The following DMD variants were observed in gnomAD, a reference collection of about 807,000 sequenced individuals.
DMD encodes the protein dystrophin, also known as mutant dystrophin.
DMD carries 63 observed loss-of-function variants against 330.1 expected under a neutral mutation model. The observed-to-expected ratio is 0.19, with a 90% CI of 0.16 to 0.24. DMD has a LOEUF of 0.24. Ranked by LOEUF, DMD falls within the 10% of genes least tolerant of loss-of-function variation. The pLI is 1.00. For missense variants in DMD, 3,344 were observed against 2,684.1 expected (o/e 1.25, Z -5.43); for synonymous variants, 1,223 against 959.8 (o/e 1.27, Z -5.07).
chrX:31,184,419 A>G (rs968360776), intron 67 of DMD, among the ~76,000 whole-genome samples: 5 of 105,292 alleles, frequency 4.7e-5, no homozygotes, highest in Non-Finnish European at 9.7e-5. Context: ...ATGAGATACC[A>G]TCTCACACCA....
chrX:32,727,900 A>G (rs2067077859), intron 7 of DMD, among the ~76,000 whole-genome samples: 1 of 111,835 alleles, frequency 8.9e-6, no homozygotes, highest in East Asian at 2.8e-4. Context: ...TTTTTAATTT[A>G]ACTTTTTTTG....
At chrX:32,651,961 A>C (rs1215080090) in intron 9 of DMD, among the ~76,000 whole-genome samples, 1 of 111,663 alleles carries the variant, frequency 9.0e-6, no homozygotes, top group African/African-American at 3.3e-5. Flanking sequence ...GTTAAATGTC[A>C]GCAAATTTAA....
chrX:33,241,568 T>A (rs1264447193), intron 1 of DMD, among the ~76,000 whole-genome samples: 1 of 112,129 alleles, frequency 8.9e-6, no homozygotes, highest in Non-Finnish European at 1.9e-5. Context: ...GTAAAAAATG[T>A]CACTGGTGTT....
At chrX:32,622,313 C>G (rs1261954827) in intron 11 of DMD, among the ~76,000 whole-genome samples, 2 of 111,177 alleles carry the variant, frequency 1.8e-5, no homozygotes, top group African/African-American at 3.3e-5. Context: ...TACTAATAAG[C>G]ACGAAAACAA....
chrX:33,087,971 C>A (rs1050411936), intron 1 of DMD, among the ~76,000 whole-genome samples: 8 of 111,409 alleles, frequency 7.2e-5, no homozygotes, highest in Admixed American at 3.8e-4. Context: ...TTAGCTCCCC[C>A]AAACTGAATG....
At chrX:31,502,361 T>G (rs1222843337) in intron 56 of DMD, among the ~76,000 whole-genome samples, 2 of 110,777 alleles carry the variant, frequency 1.8e-5, no homozygotes, top group Non-Finnish European at 3.8e-5. Context: ...CCAAACATAA[T>G]TAACATTCTA....
chrX:32,382,222 G>C (rs900377649), intron 33 of DMD, among the ~76,000 whole-genome samples: 1 of 111,641 alleles, frequency 9.0e-6, no homozygotes, highest in African/African-American at 3.2e-5. Context: ...TAAGAAATCT[G>C]AAAGGTAGAC....
intron 50 of DMD, among the ~76,000 whole-genome samples, chrX:31,779,356 A>G (rs894359026): frequency 1.8e-5 from 2 of 111,284 alleles, no homozygotes; most frequent in Admixed American, 1.9e-4. Flanking sequence ...AAGTCTGTTC[A>G]TGCCTGGGCA....
intron 51 of DMD, among the ~76,000 whole-genome samples, chrX:31,762,501 A>G (rs2089680265): frequency 1.8e-5 from 2 of 111,819 alleles, no homozygotes; most frequent in Admixed American, 9.5e-5. Flanking sequence ...CCAGGGAGTC[A>G]GAGGTTGCAG....
chrX:33,303,893 A>C (rs926886556), intron 1 of DMD, among the ~76,000 whole-genome samples: 1 of 111,379 alleles, frequency 9.0e-6, no homozygotes, highest in African/African-American at 3.3e-5. Context: ...TAATACACTT[A>C]ATTTTTTAAA....
intron 17 of DMD, among the ~76,000 whole-genome samples, chrX:32,527,601 C>T (rs1025478862): frequency 2.7e-5 from 3 of 109,794 alleles, no homozygotes; most frequent in Admixed American, 2.0e-4. Context: ...AAAAAAAAAT[C>T]GAGTAATAGA....
intron 11 of DMD, among the ~76,000 whole-genome samples, chrX:32,639,829 A>T (rs1178781964): frequency 2.7e-5 from 3 of 111,369 alleles, no homozygotes; most frequent in African/African-American, 9.8e-5. Context: ...ATCCCCATAC[A>T]AAATAACCAC....
At chrX:31,761,361 T>C (rs970951043) in intron 51 of DMD, among the ~76,000 whole-genome samples, 18 of 110,588 alleles carry the variant, frequency 1.6e-4, no homozygotes, top group Non-Finnish European at 3.0e-4. Flanking sequence ...CATGTAAATA[T>C]TGGGGTTTGT....
At chrX:31,313,738 T>A (rs1014803596) in intron 62 of DMD, among the ~76,000 whole-genome samples, 1 of 110,182 alleles carries the variant, frequency 9.1e-6, no homozygotes, top group Non-Finnish European at 1.9e-5. Context: ...ATTTTAAGTA[T>A]CAATTCTCCC....
At chrX:31,663,700 CTT>C (rs767914995) in intron 53 of DMD, among the ~76,000 whole-genome samples, 25 of 111,511 alleles carry the variant, frequency 2.2e-4, no homozygotes, top group African/African-American at 6.2e-4. Context: ...CTCCCTCTCT[CTT>C]TGTGTGTTCC....
chrX:31,933,387 A>T (rs2094883252), intron 45 of DMD, among the ~76,000 whole-genome samples: 1 of 112,255 alleles, frequency 8.9e-6, no homozygotes, highest in Admixed American at 9.5e-5. Context: ...CATATGTTGT[A>T]CTCGTGGAAG....
chrX:32,017,787 T>C (rs1277216004), intron 44 of DMD, among the ~76,000 whole-genome samples: 1 of 111,906 alleles, frequency 8.9e-6, no homozygotes, highest in Non-Finnish European at 1.9e-5. Context: ...CATTGTGTAA[T>C]AAGGTAGAAG....
intron 53 of DMD, among the ~76,000 whole-genome samples, chrX:31,674,996 G>T (rs780954794): frequency 8.9e-6 from 1 of 112,349 alleles, no homozygotes; most frequent in South Asian, 3.7e-4. Flanking sequence ...GTATGTTTTT[G>T]CCTAACATCT....
At chrX:33,339,198 G>A in intron 1 of DMD, 3 of 1,013,891 alleles carry the variant, frequency 3.0e-6, no homozygotes, top group Non-Finnish European at 3.9e-6. Flanking sequence ...TCAAACATAT[G>A]CTTTGTCATG....
Sources: gnomAD v4.1 joint callset for allele counts (sites outside exome capture counted in the v4.1 genomes callset) on GRCh38, gnomAD v4.1.1 for gene constraint, MANE v1.5 for transcripts, NCBI Gene and HGNC (gene_info 2026-07-23, HGNC 2026-07-21) for gene names.